Variants in MATR3 observed in about 807,000 individuals in gnomAD.
The protein encoded by MATR3 is matrin-3.
MATR3 carries 4 observed loss-of-function variants against 85.5 expected under a neutral mutation model. The observed-to-expected ratio is 0.05, with a 90% CI of 0.02 to 0.11. MATR3 has a LOEUF of 0.11. Among genes scored for constraint, MATR3 ranks in the 10% least tolerant of loss-of-function variants. MATR3 has a pLI of 1.00. For synonymous variants in MATR3, 336 were observed against 343.1 expected (o/e 0.98, Z 0.23); for missense variants, 685 against 1,016.1 (o/e 0.67, Z 4.43).
intron 14 of MATR3, 138 bp downstream of exon 14, chr5:139,326,422 C>CTT (rs34218388): frequency 0.013 from 6,978 of 532,806 alleles, no homozygotes; most frequent in East Asian, 0.039. Flanking sequence ...TTTTTATTTA[C>CTT]TTTTTTTTTT....
chr5:139,329,471 A>T lies in MATR3; in HGVS notation c.*76A>T. 8.6e-7 allele frequency: 1 copy of T among 1,167,464 alleles called. No individual in the cohort carries two copies. The highest frequency in any genetic ancestry group is 1.3e-6 in the Non-Finnish European group (1 of 782,126). 72.3% of individuals were successfully genotyped at this position (1,167,464 alleles called of 1,614,324 possible). A position where few individuals can be genotyped will look rare whatever the true frequency, so the allele number is the denominator to read the frequency against. On this transcript the variant is annotated 3_prime_UTR_variant, in exon 15 of 15. Coordinates refer to ENST00000394805, the MANE Select transcript of MATR3 (RefSeq NM_018834.6). ...TTAATGTTAACCTTTTTTAAATACA[A>T]TACTGATAGTTAGAAGAAAACTATT...
At chr5:139,322,177 C>A in intron 10 of MATR3, 148 bp downstream of exon 10, 1 of 1,021,128 alleles carries the variant, frequency 9.8e-7, no homozygotes, top group Non-Finnish European at 1.5e-6. Flanking sequence ...ACCTTTTTTT[C>A]TGGTCTTTAA....
chr5:139,287,263 A>G (rs1469515077), intron 3 of MATR3, among the ~76,000 whole-genome samples: 1 of 152,094 alleles, frequency 6.6e-6, no homozygotes, highest in Non-Finnish European at 1.5e-5. Flanking sequence ...TTTTTCCTCT[A>G]CTCAAAATTG....
chr5:139,294,810 G>T (rs1409533726), intron 1 of MATR3: 1 of 152,202 alleles, frequency 6.6e-6, no homozygotes, highest in Non-Finnish European at 1.5e-5. Context: ...CATGTTCTGT[G>T]TTCGGCATTT....
chr5:139,306,820 C>T (rs1280692058), intron 1 of MATR3, among the ~76,000 whole-genome samples: 1 of 152,134 alleles, frequency 6.6e-6, no homozygotes, highest in African/African-American at 2.4e-5. Flanking sequence ...TTTTCCAAAG[C>T]ACAGTACAAC....
chr5:139,324,292 T>TTG, intron 12 of MATR3, among the ~76,000 whole-genome samples: 1 of 129,458 alleles, frequency 7.7e-6, no homozygotes, highest in Non-Finnish European at 1.6e-5. Context: ...GCATGATTGT[T>TTG]TTTTTTTTTT....
intron 1 of MATR3, among the ~76,000 whole-genome samples, chr5:139,296,869 C>A (rs1754182031): frequency 6.6e-6 from 1 of 152,180 alleles, no homozygotes; most frequent in South Asian, 2.1e-4. Flanking sequence ...TCCCACACTT[C>A]TGGCAACAGG....
In MATR3 at chr5:139,329,405, G is replaced by C; in HGVS notation, c.*10G>C. ...GAAGAAGGAAACTTAAGATGTGCAA[G>C]GAGATTTAATGATTTCAAAGAAAAT... On this transcript the variant is annotated 3_prime_UTR_variant, in exon 15 of 15. Transcript: ENST00000394805. 1 of 1,607,040 alleles carries C rather than the reference G, an allele frequency of 6.2e-7. No individual in the cohort carries two copies. The highest frequency in any genetic ancestry group is 2.2e-5 in the East Asian group (1 of 44,664).
intron 2 of MATR3, 130 bp downstream of exon 2, chr5:139,308,457 T>C: frequency 6.4e-6 from 7 of 1,085,468 alleles, no homozygotes; most frequent in Non-Finnish European, 9.7e-6. Flanking sequence ...TGAGAACACT[T>C]ACTTTATTTG....
chr5:139,328,052 G>T (rs904661899), intron 14 of MATR3, among the ~76,000 whole-genome samples: 2 of 151,450 alleles, frequency 1.3e-5, no homozygotes, highest in Non-Finnish European at 1.5e-5. Flanking sequence ...TAGTAGAAAC[G>T]GGGTTTCACC....
At chr5:139,321,197 T>C (rs1012488981) in intron 9 of MATR3, among the ~76,000 whole-genome samples, 3 of 152,172 alleles carry the variant, frequency 2.0e-5, no homozygotes, top group African/African-American at 7.2e-5. Flanking sequence ...TCGCCCAGTC[T>C]AGAGTGCAGT....
chr5:139,314,317 C>A, intron 2 of MATR3: 2 of 299,014 alleles, frequency 6.7e-6, no homozygotes, highest in Non-Finnish European at 6.6e-6. Flanking sequence ...TATAAAGTAG[C>A]ATACAATGAA....
At chr5:139,299,443 G>A (rs1207622499) in intron 1 of MATR3, among the ~76,000 whole-genome samples, 7 of 152,174 alleles carry the variant, frequency 4.6e-5, no homozygotes, top group Admixed American at 1.3e-4. Context: ...GGAGGCTGAG[G>A]GAGGAGGATC....
At chr5:139,297,164 C>T (rs1754199089) in intron 1 of MATR3, among the ~76,000 whole-genome samples, 2 of 151,998 alleles carry the variant, frequency 1.3e-5, no homozygotes, top group African/African-American at 2.4e-5. Context: ...GGCAACAGAG[C>T]GGGACTCCAT....
chr5:139,296,746 C>A (rs895304892), intron 1 of MATR3, among the ~76,000 whole-genome samples: 4 of 152,160 alleles, frequency 2.6e-5, no homozygotes, highest in African/African-American at 9.7e-5. Context: ...AATTAGCTTA[C>A]AATATGAATT....
At chr5:139,277,503 CTG>C in intron 2 of MATR3, among the ~76,000 whole-genome samples, 1 of 152,088 alleles carries the variant, frequency 6.6e-6, no homozygotes. Flanking sequence ...AATGCCTCAA[CTG>C]TGAATAGCCT....
At chr5:139,302,972 CTGAG>C (rs983720067) in intron 1 of MATR3, among the ~76,000 whole-genome samples, 1 of 150,270 alleles carries the variant, frequency 6.7e-6, no homozygotes, top group African/African-American at 2.4e-5. Context: ...ATTTTTTTCC[CTGAG>C]TATCTCTAGT....
intron 2 of MATR3, chr5:139,313,673 C>T (rs903109232): frequency 2.0e-5 from 3 of 152,016 alleles, no homozygotes; most frequent in African/African-American, 7.2e-5. Flanking sequence ...GTCATGTTTC[C>T]CACCCTAAAT....
At chr5:139,320,657 A>T (rs943349810) in intron 9 of MATR3, among the ~76,000 whole-genome samples, 1 of 151,826 alleles carries the variant, frequency 6.6e-6, no homozygotes, top group African/African-American at 2.4e-5. Flanking sequence ...TTTTTGTTTT[A>T]AACACTTCTG....
Sources: allele counts gnomAD v4.1 joint callset (sites outside exome capture counted in the v4.1 genomes callset), GRCh38; gene constraint gnomAD v4.1.1; transcripts MANE v1.5; gene names NCBI Gene and HGNC (gene_info 2026-07-23, HGNC 2026-07-21).